The following CSMD3 variants were observed in gnomAD, a reference collection of about 807,000 sequenced individuals.
CSMD3 encodes CUB and sushi domain-containing protein 3.
A neutral mutation model predicts 435.2 loss-of-function variants in CSMD3; 177 were observed. The ratio of observed to expected loss-of-function variants is 0.41; its 90% confidence interval spans 0.36 to 0.46. CSMD3 has a LOEUF of 0.46. CSMD3 is among the 20% of genes least tolerant of loss of function. The pLI is 0.34. For synonymous variants in CSMD3, 1,656 were observed against 1,520.5 expected, an observed-to-expected ratio of 1.09 and a Z score of -2.07; for missense variants, 4,265 against 4,504.6, an observed-to-expected ratio of 0.95 and a Z score of 1.52.
chr8:113,254,829 ATTATAT>A (rs1339011503), intron 3 of CSMD3, among the ~76,000 whole-genome samples: 3 of 152,166 alleles, frequency 2.0e-5, no homozygotes, highest in African/African-American at 7.2e-5. Flanking sequence ...AACAATTTAG[ATTATAT>A]TTATTTTCCA....
chr8:113,431,901 C>G (rs1334212683), intron 1 of CSMD3, among the ~76,000 whole-genome samples: 2 of 152,048 alleles, frequency 1.3e-5, no homozygotes, highest in Non-Finnish European at 2.9e-5. Flanking sequence ...AGGGAAAAGA[C>G]GCGTATACTC....
chr8:113,351,695 G>GTTT (rs2094191406), intron 1 of CSMD3, among the ~76,000 whole-genome samples: 1 of 152,102 alleles, frequency 6.6e-6, no homozygotes, highest in Non-Finnish European at 1.5e-5. Flanking sequence ...GTGCTTTGCA[G>GTTT]ATATTATCTA....
intron 5 of CSMD3, among the ~76,000 whole-genome samples, chr8:113,019,838 C>T (rs1220056225): frequency 1.3e-5 from 2 of 151,984 alleles, no homozygotes; most frequent in East Asian, 3.9e-4. Context: ...ATTTCATAAT[C>T]TTATAAATGT....
chr8:113,240,718 T>C (rs1347343437), intron 3 of CSMD3, among the ~76,000 whole-genome samples: 1 of 152,178 alleles, frequency 6.6e-6, no homozygotes, highest in East Asian at 1.9e-4. Context: ...TATTTGTCCA[T>C]ATATTGCAAC....
intron 1 of CSMD3, among the ~76,000 whole-genome samples, chr8:113,407,810 A>G (rs1413483473): frequency 6.6e-6 from 1 of 152,154 alleles, no homozygotes; most frequent in Non-Finnish European, 1.5e-5. Flanking sequence ...ATTGTAAGGA[A>G]CATTCAGGAT....
chr8:112,579,999 A>G (rs985034498), intron 23 of CSMD3, among the ~76,000 whole-genome samples: 2 of 152,090 alleles, frequency 1.3e-5, no homozygotes, highest in Non-Finnish European at 2.9e-5. Flanking sequence ...AATAGAATAA[A>G]TTCTTTTCCA....
At chr8:113,088,551 T>C (rs865891063) in intron 5 of CSMD3, among the ~76,000 whole-genome samples, 5 of 151,844 alleles carry the variant, frequency 3.3e-5, no homozygotes, top group African/African-American at 9.7e-5. Flanking sequence ...TAAGTTCATG[T>C]CCTTTGTAGG....
At position 112,591,626 on chromosome 8, in the gene CSMD3, G is replaced by C. The variant is rs1205506541; in HGVS notation, c.3716-4391C>G. Among the ~76,000 whole-genome samples the C allele has an allele frequency of 6.6e-5, 10 of 152,154 alleles. No individual in the cohort carries two copies. In the East Asian group the frequency reaches 1.9e-3, roughly 29 times the overall value. ...AAGCAGGCAAAATATACTTGATTTA[G>C]ATTGTTCAAAAAACTTAGAATGTTT... On this transcript the variant is annotated intron_variant, in intron 22 of 70. Coordinates refer to ENST00000297405, the MANE Select transcript of CSMD3 (RefSeq NM_198123.2).
intron 1 of CSMD3, among the ~76,000 whole-genome samples, chr8:113,341,382 T>C (rs2094117771): frequency 6.6e-6 from 1 of 152,124 alleles, no homozygotes; most frequent in Non-Finnish European, 1.5e-5. Flanking sequence ...TAAACTACAT[T>C]TCAATAATCA....
chr8:112,382,291 C>CAA (rs11384093), intron 37 of CSMD3, among the ~76,000 whole-genome samples: 5,116 of 116,700 alleles, frequency 0.044, 144 homozygotes, highest in African/African-American at 0.09. Context: ...CTCTAAAATG[C>CAA]AAAAAAAAAA....
intron 3 of CSMD3, 46 bp from the exon 4 acceptor site, chr8:113,173,962 C>A (rs2092309725): frequency 7.2e-7 from 1 of 1,380,890 alleles, no homozygotes; most frequent in Non-Finnish European, 1.0e-6. Flanking sequence ...TTTCAATAAG[C>A]AGTTTATTGT....
intron 4 of CSMD3, among the ~76,000 whole-genome samples, chr8:113,153,130 A>AGAGAAAGAAGGAAGGAAG (rs2091858997): frequency 1.2e-5 from 1 of 82,736 alleles, no homozygotes; most frequent in African/African-American, 6.3e-5. Context: ...AGAAAGAGAA[A>AGAGAAAGAAGGAAGGAAG]GAAGGAAGGA....
At chr8:113,287,589 G>A (rs976453360) in intron 2 of CSMD3, among the ~76,000 whole-genome samples, 7 of 151,940 alleles carry the variant, frequency 4.6e-5, no homozygotes, top group Admixed American at 2.6e-4. Context: ...AGAAAGAAAC[G>A]TGTGAGAAAG....
intron 4 of CSMD3, among the ~76,000 whole-genome samples, chr8:113,138,799 C>A (rs2091477480): frequency 7.6e-6 from 1 of 131,590 alleles, no homozygotes. Context: ...GTTCTCAGAA[C>A]TAAACGTGTT....
intron 3 of CSMD3, among the ~76,000 whole-genome samples, chr8:113,269,626 A>T (rs1484735520): frequency 6.6e-6 from 1 of 152,122 alleles, no homozygotes; most frequent in Admixed American, 6.6e-5. Flanking sequence ...AGACCAATGG[A>T]ACAGAACAGA....
intron 32 of CSMD3, among the ~76,000 whole-genome samples, chr8:112,422,746 T>G (rs1367444507): frequency 6.6e-6 from 1 of 152,218 alleles, no homozygotes; most frequent in Non-Finnish European, 1.5e-5. Context: ...TAGTCTGTTA[T>G]CTTACAAATT....
intron 10 of CSMD3, among the ~76,000 whole-genome samples, chr8:112,907,325 A>G (rs2082290634): frequency 6.6e-6 from 1 of 151,486 alleles, no homozygotes; most frequent in African/African-American, 2.4e-5. Context: ...TCATATTCGT[A>G]GTTTGTATAT....
chr8:112,639,296 A>C (rs1404316845), intron 20 of CSMD3, among the ~76,000 whole-genome samples: 3 of 152,106 alleles, frequency 2.0e-5, no homozygotes. Flanking sequence ...ACCAACATAA[A>C]AGCAATGCTT....
At chr8:112,564,140 TA>T (rs1452691898) in intron 24 of CSMD3, among the ~76,000 whole-genome samples, 3 of 151,536 alleles carry the variant, frequency 2.0e-5, no homozygotes, top group South Asian at 2.1e-4. Flanking sequence ...TGTTTTAGGT[TA>T]TTTTTTTTTT....
Sources: gnomAD v4.1 joint callset for allele counts (sites outside exome capture counted in the v4.1 genomes callset) on GRCh38, gnomAD v4.1.1 for gene constraint, MANE v1.5 for transcripts, NCBI Gene and HGNC (gene_info 2026-07-23, HGNC 2026-07-21) for gene names.